ABHD18: variants seen among roughly 807,000 people sequenced by gnomAD.
ABHD18 encodes the protein cardiolipin-specific deacylase, mitochondrial.
ABHD18 carries 55 observed loss-of-function variants against 65.9 expected under a neutral mutation model. The observed-to-expected ratio is 0.84, with a 90% CI of 0.67 to 1.05. The LOEUF (loss-of-function observed/expected upper bound fraction) is 1.05. Among genes scored for constraint, ABHD18 ranks in the 50% least tolerant of loss-of-function variants. The probability of loss-of-function intolerance (pLI) is 0.00; values close to 1 mark genes in which losing one functional copy is unlikely to be tolerated. For missense variants in ABHD18, 533 were observed against 558.5 expected, an observed-to-expected ratio of 0.95 and a Z score of 0.46; for synonymous variants, 181 against 180.2, an observed-to-expected ratio of 1.00 and a Z score of -0.04.
At chr4:127,970,467 C>T (rs1746521491) in intron 1 of ABHD18, among the ~76,000 whole-genome samples, 1 of 151,500 alleles carries the variant, frequency 6.6e-6, no homozygotes, top group Non-Finnish European at 1.5e-5. Context: ...TGGTGCATGC[C>T]TGTAATCCCA....
intron 4 of ABHD18, among the ~76,000 whole-genome samples, chr4:128,005,264 T>G: frequency 6.6e-6 from 1 of 152,182 alleles, no homozygotes; most frequent in Non-Finnish European, 1.5e-5. Flanking sequence ...ATGTTGAAAC[T>G]TTGGTATAAA....
intron 4 of ABHD18, among the ~76,000 whole-genome samples, chr4:127,997,329 G>A (rs1751905971): frequency 1.3e-5 from 2 of 152,094 alleles, no homozygotes. Flanking sequence ...CAATCTTACT[G>A]TACTCTCTGG....
chr4:127,975,680 T>G (rs949239792), intron 1 of ABHD18, among the ~76,000 whole-genome samples: 2 of 152,212 alleles, frequency 1.3e-5, no homozygotes, highest in African/African-American at 4.8e-5. Context: ...CATGGCTGAT[T>G]AGATAACTAG....
intron 1 of ABHD18, among the ~76,000 whole-genome samples, chr4:127,978,478 G>A (rs447300): frequency 1 from 152,296 of 152,296 alleles, 76,148 homozygotes; most frequent in Non-Finnish European, 1. Flanking sequence ...ACATTTAAGC[G>A]TACAGAATAC....
intron 4 of ABHD18, among the ~76,000 whole-genome samples, chr4:127,999,387 A>G (rs1235666452): frequency 6.6e-6 from 1 of 152,182 alleles, no homozygotes; most frequent in Non-Finnish European, 1.5e-5. Context: ...GCTGATGTGG[A>G]AAAAAACAGG....
chr4:127,979,335 C>T (rs1247567372), intron 1 of ABHD18, among the ~76,000 whole-genome samples: 1 of 152,092 alleles, frequency 6.6e-6, no homozygotes, highest in African/African-American at 2.4e-5. Flanking sequence ...GCAGGTGGAT[C>T]ACGAGGTCAG....
At chr4:128,019,997 C>A in intron 8 of ABHD18, 83 bp from the exon 9 acceptor site, 2 of 873,260 alleles carry the variant, frequency 2.3e-6, no homozygotes, top group Non-Finnish European at 3.5e-6. Context: ...CTATTTACTG[C>A]ACGGAATGCT....
At chr4:127,976,369 T>A (rs187835223) in intron 1 of ABHD18, among the ~76,000 whole-genome samples, 14 of 152,192 alleles carry the variant, frequency 9.2e-5, no homozygotes, top group Admixed American at 4.6e-4. Flanking sequence ...AAAAAAAAAG[T>A]TTATTCTTCT....
Position 128,036,998 on chromosome 4 carries a change from A to T in ABHD18, c.*1185A>T, listed in dbSNP as rs1758936081. Reference sequence around the variant, plus strand: ...GCCGGGCATTGTGGCGTGTGCCTGTAATCCCAGCTACTCAGGAGGCTGAGG... The same window carrying T: ...GCCGGGCATTGTGGCGTGTGCCTGTTATCCCAGCTACTCAGGAGGCTGAGG... On this transcript the variant is annotated 3_prime_UTR_variant, in exon 13 of 13. Transcript: ENST00000645843. The T allele has an allele frequency of 6.6e-6, 1 of 151,820 alleles. No homozygotes were observed. Among genetic ancestry groups the T allele is most frequent in the Non-Finnish European group, 1.5e-5 (1 of 68,142 alleles). 9.4% of individuals were successfully genotyped at this position (151,820 alleles called of 1,614,324 possible).
intron 10 of ABHD18, among the ~76,000 whole-genome samples, chr4:128,022,321 T>G (rs1421914621): frequency 6.6e-6 from 1 of 152,236 alleles, no homozygotes; most frequent in African/African-American, 2.4e-5. Flanking sequence ...CATGAAGAAT[T>G]TAGGTTATTT....
chr4:128,001,609 T>C, intron 4 of ABHD18: 1 of 1,074,348 alleles, frequency 9.3e-7, no homozygotes, highest in Non-Finnish European at 1.3e-6. Flanking sequence ...GATGCCTTTA[T>C]TATCCCTCAT....
At chr4:127,970,526 T>C (rs1579101427) in intron 1 of ABHD18, among the ~76,000 whole-genome samples, 1 of 145,326 alleles carries the variant, frequency 6.9e-6, no homozygotes, top group Non-Finnish European at 1.5e-5. Flanking sequence ...GAGACGGAGG[T>C]TGTGGTGAGC....
chr4:128,005,550 A>G (rs1285093499), intron 4 of ABHD18, among the ~76,000 whole-genome samples: 2 of 152,128 alleles, frequency 1.3e-5, no homozygotes, highest in African/African-American at 4.8e-5. Flanking sequence ...GCAGCCTTAA[A>G]TTTCTGGGCT....
chr4:128,033,081 GTC>G (rs1205616021), intron 12 of ABHD18, among the ~76,000 whole-genome samples: 1 of 151,934 alleles, frequency 6.6e-6, no homozygotes, highest in East Asian at 1.9e-4. Flanking sequence ...GTGAAACCCT[GTC>G]TCTACTAAAA....
At chr4:127,970,906 C>A (rs1321450140) in intron 1 of ABHD18, among the ~76,000 whole-genome samples, 5 of 151,938 alleles carry the variant, frequency 3.3e-5, no homozygotes, top group Non-Finnish European at 7.4e-5. Context: ...AAAACACTGT[C>A]TCTACTAAAA....
chr4:127,987,069 T>C (rs1257901616), intron 3 of ABHD18, among the ~76,000 whole-genome samples: 1 of 152,202 alleles, frequency 6.6e-6, no homozygotes, highest in African/African-American at 2.4e-5. Flanking sequence ...TAATTAATAA[T>C]GGGCTGGGTG....
intron 12 of ABHD18, 157 bp downstream of exon 12, chr4:128,030,829 T>C: frequency 7.3e-7 from 1 of 1,375,260 alleles, no homozygotes; most frequent in Non-Finnish European, 9.3e-7. Context: ...TACTTTTCCC[T>C]CTTTCCTAGA....
At chr4:127,972,883 AT>A (rs1407200877) in intron 1 of ABHD18, among the ~76,000 whole-genome samples, 1 of 152,198 alleles carries the variant, frequency 6.6e-6, no homozygotes, top group African/African-American at 2.4e-5. Flanking sequence ...GATTAAAAAA[AT>A]TCTAAGAGGC....
intron 7 of ABHD18, among the ~76,000 whole-genome samples, chr4:128,012,835 G>A (rs1263994328): frequency 6.6e-6 from 1 of 152,020 alleles, no homozygotes; most frequent in Non-Finnish European, 1.5e-5. Context: ...GGAGGCCAAG[G>A]TGGGTGGATC....
Sources: allele counts gnomAD v4.1 joint callset (sites outside exome capture counted in the v4.1 genomes callset), GRCh38; gene constraint gnomAD v4.1.1; transcripts MANE v1.5; gene names NCBI Gene and HGNC (gene_info 2026-07-23, HGNC 2026-07-21).